The following AOAH variants were observed in gnomAD, a reference collection of about 807,000 sequenced individuals.
The protein encoded by AOAH is acyloxyacyl hydrolase (neutrophil).
AOAH carries 64 observed loss-of-function variants against 92.2 expected under a neutral mutation model. The observed-to-expected ratio is 0.69, with a 90% CI of 0.57 to 0.86. AOAH has a LOEUF of 0.86. Ranked by LOEUF, AOAH falls within the 40% of genes least tolerant of loss-of-function variation. The pLI is 0.00. For synonymous variants in AOAH, 263 were observed against 254.5 expected, an observed-to-expected ratio of 1.03 and a Z score of -0.32; for missense variants, 656 against 694.6, an observed-to-expected ratio of 0.94 and a Z score of 0.62.
chr7:36,723,933 T>A, intron 1 of AOAH, 89 bp downstream of exon 1: 1 of 1,420,970 alleles, frequency 7.0e-7, no homozygotes, highest in Non-Finnish European at 9.4e-7. Flanking sequence ...ATTCTTGATT[T>A]AATAAAATAT....
intron 11 of AOAH, among the ~76,000 whole-genome samples, chr7:36,601,973 A>G (rs1386314116): frequency 6.6e-6 from 1 of 152,230 alleles, no homozygotes; most frequent in African/African-American, 2.4e-5. Context: ...TAGTGACTTA[A>G]AATGTACTAC....
At position 36,686,663 on chromosome 7, in the gene AOAH, G is replaced by A. The variant is rs370800606; in HGVS notation, c.223+36C>T. The A allele has an allele frequency of 7.9e-5, 103 of 1,309,102 alleles. 1 individual carries two copies. Among genetic ancestry groups the A allele is most frequent in the Non-Finnish European group, 1.0e-4 (99 of 971,740 alleles). The allele number at this position is 1,309,102 out of a possible 1,614,324, so 81.1% of individuals were successfully genotyped here. The stretch of plus-strand genomic sequence containing the variant: ...TCATGACTCATGAGTGAGAGGACAA[G>A]CAGACCCTCAGCAGTATGACTCGTC... On this transcript the variant is annotated intron_variant, in intron 2 of 20. Transcript: ENST00000617537.
intron 5 of AOAH, among the ~76,000 whole-genome samples, chr7:36,633,435 C>T (rs536314288): frequency 7.2e-5 from 11 of 152,152 alleles, no homozygotes; most frequent in Non-Finnish European, 1.6e-4. Flanking sequence ...TGCTGCAGAC[C>T]TACAAAATCA....
intron 12 of AOAH, among the ~76,000 whole-genome samples, chr7:36,583,986 C>G (rs764320226): frequency 4.6e-5 from 7 of 152,172 alleles, no homozygotes; most frequent in Non-Finnish European, 1.0e-4. Context: ...AACGGCATTT[C>G]TCAAAGGATG....
chr7:36,703,413 A>C (rs1417142816), intron 1 of AOAH, among the ~76,000 whole-genome samples: 1 of 152,144 alleles, frequency 6.6e-6, no homozygotes, highest in Non-Finnish European at 1.5e-5. Context: ...TTTAAATTAT[A>C]CTTTAAGTTC....
chr7:36,525,503 T>G (rs1401902415), intron 19 of AOAH, among the ~76,000 whole-genome samples: 1 of 152,212 alleles, frequency 6.6e-6, no homozygotes, highest in African/African-American at 2.4e-5. Flanking sequence ...AACTGAAAAC[T>G]ATGGCCCTTA....
intron 1 of AOAH, among the ~76,000 whole-genome samples, chr7:36,711,387 T>C (rs1191608403): frequency 6.6e-6 from 1 of 152,178 alleles, no homozygotes; most frequent in Non-Finnish European, 1.5e-5. Flanking sequence ...ACTTCCTTTG[T>C]TCCTGAAGCA....
intron 1 of AOAH, among the ~76,000 whole-genome samples, chr7:36,710,864 C>T (rs922535261): frequency 7.3e-5 from 11 of 150,630 alleles, no homozygotes; most frequent in African/African-American, 2.7e-4. Flanking sequence ...AATAGATAAT[C>T]ACAACCCTTT....
At chr7:36,560,054 C>T (rs1787143820) in intron 13 of AOAH, among the ~76,000 whole-genome samples, 1 of 152,094 alleles carries the variant, frequency 6.6e-6, no homozygotes, top group Non-Finnish European at 1.5e-5. Context: ...GGTGTGCTAT[C>T]TTATTTCTGG....
intron 6 of AOAH, among the ~76,000 whole-genome samples, chr7:36,626,022 AG>A (rs1360442714): frequency 6.6e-6 from 1 of 152,212 alleles, no homozygotes; most frequent in African/African-American, 2.4e-5. Context: ...TCTTAAGAAA[AG>A]TTTTGGAAAA....
At chr7:36,576,408 T>A (rs1465088366) in intron 13 of AOAH, among the ~76,000 whole-genome samples, 166 bp downstream of exon 13, 8 of 152,212 alleles carry the variant, frequency 5.3e-5, no homozygotes, top group Non-Finnish European at 1.5e-5. Context: ...GGTAAATGGC[T>A]TTAAGCACAG....
At chr7:36,667,694 T>C (rs1795630662) in intron 3 of AOAH, among the ~76,000 whole-genome samples, 1 of 152,242 alleles carries the variant, frequency 6.6e-6, no homozygotes, top group African/African-American at 2.4e-5. Flanking sequence ...TATTTATCCT[T>C]GCAGTTCCAT....
intron 19 of AOAH, among the ~76,000 whole-genome samples, chr7:36,527,567 T>C (rs1008589881): frequency 1.3e-5 from 2 of 152,154 alleles, no homozygotes; most frequent in Non-Finnish European, 2.9e-5. Context: ...AAGGAGTTGC[T>C]TCATACACAC....
rs543412441 is a variant in AOAH at position 36,584,181 on chromosome 7, G to A, written c.939-7525C>T. Among the ~76,000 whole-genome samples the A allele has an allele frequency of 2.6e-5, 4 of 152,266 alleles. No individual in the cohort carries two copies. In the East Asian group the frequency reaches 5.8e-4, roughly 22 times the overall value. On this transcript the variant is annotated intron_variant, in intron 12 of 20. Coordinates refer to ENST00000617537, the MANE Select transcript of AOAH (RefSeq NM_001637.4). Reference sequence around the variant, plus strand: ...AATAAGCCTTATACCAAATAAGCTTGTTTCCCTTTATTTAAATTAACATTT... The same window carrying A: ...AATAAGCCTTATACCAAATAAGCTTATTTCCCTTTATTTAAATTAACATTT...
chr7:36,517,360 G>A lies in AOAH; in HGVS notation c.1600-3980C>T, dbSNP rs193254436. On this transcript the variant is annotated intron_variant, in intron 20 of 20. Coordinates refer to ENST00000617537, the MANE Select transcript of AOAH (RefSeq NM_001637.4). Reference sequence around the variant, plus strand: ...GGCTGGAGTGCAGTGGCCAGATCTCGGCTCACCGGAAGCTCCGCCTCCCAG... The same window carrying A: ...GGCTGGAGTGCAGTGGCCAGATCTCAGCTCACCGGAAGCTCCGCCTCCCAG... 4.0e-5 allele frequency among the ~76,000 whole-genome samples: 6 copies of A among 150,254 alleles called. No individual in the cohort carries two copies. In the East Asian group the frequency reaches 9.7e-4, roughly 24 times the overall value.
At chr7:36,671,579 G>A (rs1795927454) in intron 3 of AOAH, among the ~76,000 whole-genome samples, 1 of 151,942 alleles carries the variant, frequency 6.6e-6, no homozygotes, top group African/African-American at 2.4e-5. Context: ...ATGTCTGTAT[G>A]AGTGTGCATG....
rs752184445 is a variant in AOAH, at chr7:36,540,467, C to A, written c.1158G>T (p.Met386Ile). The A allele has an allele frequency of 6.2e-7, 1 of 1,613,212 alleles. No individual in the cohort carries two copies. The highest frequency in any genetic ancestry group is 1.1e-5 in the South Asian group (1 of 90,870). Residue 386 changes from methionine (M) to isoleucine (I), a missense_variant, in exon 16 of 21, where the codon ATG (methionine) becomes ATT (isoleucine). By Grantham distance (10) the Met-to-Ile change is conservative. Transcript: ENST00000617537. ...CSGKSDPVPA[M>I]TTPEKLYSNV... is the part of the protein sequence containing the mutation. ...TGGAGTAGAGTTTCTCAGGAGTGGT[C>A]ATGGCTGGGACTGGGTCACTCTTCC...
At chr7:36,712,077 G>GAA (rs575364633) in intron 1 of AOAH, among the ~76,000 whole-genome samples, 46 of 152,310 alleles carry the variant, frequency 3.0e-4, no homozygotes, top group African/African-American at 9.6e-4. Context: ...TAGTTATAGA[G>GAA]AAATAGAAAG....
At chr7:36,553,215 C>T (rs373496434) in intron 13 of AOAH, among the ~76,000 whole-genome samples, 5 of 148,196 alleles carry the variant, frequency 3.4e-5, no homozygotes, top group South Asian at 4.3e-4. Flanking sequence ...TGAGAACATG[C>T]GGTGTTTGGT....
Sources: allele counts gnomAD v4.1 joint callset (sites outside exome capture counted in the v4.1 genomes callset), GRCh38; gene constraint gnomAD v4.1.1; transcripts MANE v1.5; gene names NCBI Gene and HGNC (gene_info 2026-07-23, HGNC 2026-07-21).